BNC2: variants seen among roughly 807,000 people sequenced by gnomAD.
BNC2 encodes the protein basonuclin zinc finger protein 2, also known as zinc finger protein basonuclin-2.
A neutral mutation model predicts 76.3 loss-of-function variants in BNC2; 20 were observed. The ratio of observed to expected loss-of-function variants is 0.26; its 90% confidence interval spans 0.18 to 0.38. The LOEUF is 0.38. Among genes scored for constraint, BNC2 ranks in the 10% least tolerant of loss-of-function variants. The pLI is 1.00. For synonymous variants in BNC2, 582 were observed against 514.8 expected (o/e 1.13, Z -1.77); for missense variants, 1,382 against 1,399.8 (o/e 0.99, Z 0.20).
chr9:16,638,879 G>A (rs1285593758), intron 3 of BNC2, among the ~76,000 whole-genome samples: 2 of 152,050 alleles, frequency 1.3e-5, no homozygotes, highest in Non-Finnish European at 2.9e-5. Flanking sequence ...ATTCTCAGTA[G>A]GGAATGTAAC....
intron 5 of BNC2, among the ~76,000 whole-genome samples, chr9:16,481,835 A>G (rs1397263870): frequency 6.6e-6 from 1 of 152,244 alleles, no homozygotes; most frequent in African/African-American, 2.4e-5. Context: ...AAACACATAC[A>G]GTCCAATATG....
chr9:16,695,103 C>G (rs1374101681), intron 3 of BNC2, among the ~76,000 whole-genome samples: 1 of 152,030 alleles, frequency 6.6e-6, no homozygotes, highest in African/African-American at 2.4e-5. Flanking sequence ...CATACTTTAC[C>G]CCTGAAACCT....
At chr9:16,766,726 C>T (rs906092111) in intron 1 of BNC2, among the ~76,000 whole-genome samples, 15 of 152,202 alleles carry the variant, frequency 9.9e-5, no homozygotes, top group Non-Finnish European at 5.9e-5. Flanking sequence ...CTCTGGGCTA[C>T]AGGTCCTGTT....
intron 4 of BNC2, among the ~76,000 whole-genome samples, chr9:16,568,437 C>T (rs765942066): frequency 3.3e-5 from 5 of 152,058 alleles, no homozygotes; most frequent in East Asian, 1.9e-4. Flanking sequence ...TTTGCTAATA[C>T]GACCAATAAT....
chr9:16,609,525 G>A (rs559512882), intron 3 of BNC2, among the ~76,000 whole-genome samples: 5 of 152,124 alleles, frequency 3.3e-5, no homozygotes, highest in Admixed American at 6.5e-5. Flanking sequence ...TGCTAAAACT[G>A]TGTCCAGCCT....
At chr9:16,619,489 A>G (rs1820804679) in intron 3 of BNC2, among the ~76,000 whole-genome samples, 1 of 152,170 alleles carries the variant, frequency 6.6e-6, no homozygotes, top group South Asian at 2.1e-4. Flanking sequence ...TTCAGTTAAA[A>G]TAATATATTA....
chr9:16,671,465 A>G (rs1822475601), intron 3 of BNC2, among the ~76,000 whole-genome samples: 1 of 152,192 alleles, frequency 6.6e-6, no homozygotes, highest in South Asian at 2.1e-4. Context: ...AGCCAAACTC[A>G]GGAGACAATC....
At chr9:16,547,406 T>C (rs1309679566) in intron 5 of BNC2, among the ~76,000 whole-genome samples, 1 of 152,246 alleles carries the variant, frequency 6.6e-6, no homozygotes, top group Non-Finnish European at 1.5e-5. Flanking sequence ...ATGAGTTCCA[T>C]GGTGAAACAT....
At chr9:16,484,228 C>A (rs567126192) in intron 5 of BNC2, among the ~76,000 whole-genome samples, 1 of 152,294 alleles carries the variant, frequency 6.6e-6, no homozygotes, top group African/African-American at 2.4e-5. Context: ...AAAAAGGCAG[C>A]ACAGTAGCTG....
intron 5 of BNC2, among the ~76,000 whole-genome samples, chr9:16,445,544 T>G (rs1012036161): frequency 1.2e-4 from 19 of 152,258 alleles, no homozygotes; most frequent in African/African-American, 3.9e-4. Context: ...CCCTACTCAA[T>G]TTTCATGATT....
chr9:16,723,978 T>C (rs1254394487), intron 3 of BNC2, among the ~76,000 whole-genome samples: 1 of 152,122 alleles, frequency 6.6e-6, no homozygotes, highest in African/African-American at 2.4e-5. Flanking sequence ...AATGAAATTA[T>C]GTTGTTAATT....
chr9:16,744,569 T>A (rs1444734116), intron 1 of BNC2, among the ~76,000 whole-genome samples: 4 of 152,226 alleles, frequency 2.6e-5, no homozygotes, highest in Non-Finnish European at 4.4e-5. Flanking sequence ...GATTTACTCC[T>A]CCTGCTAGAT....
chr9:16,611,717 A>C (rs1307724492), intron 3 of BNC2, among the ~76,000 whole-genome samples: 3 of 152,200 alleles, frequency 2.0e-5, no homozygotes, highest in Non-Finnish European at 4.4e-5. Context: ...CCAGCTTGTA[A>C]GGCTATGCCA....
intron 3 of BNC2, among the ~76,000 whole-genome samples, chr9:16,682,183 T>C (rs192388934): frequency 1.1e-3 from 162 of 151,522 alleles, no homozygotes; most frequent in African/African-American, 3.8e-3. Flanking sequence ...TGTTAAAAAA[T>C]ATAGAGAATT....
At chr9:16,692,400 T>C (rs917062023) in intron 3 of BNC2, among the ~76,000 whole-genome samples, 1 of 152,228 alleles carries the variant, frequency 6.6e-6, no homozygotes, top group Non-Finnish European at 1.5e-5. Context: ...CAATATCTTG[T>C]AAAGTTGCTC....
chr9:16,550,366 G>C (rs552764906), intron 5 of BNC2, among the ~76,000 whole-genome samples: 4 of 152,214 alleles, frequency 2.6e-5, no homozygotes, highest in African/African-American at 7.2e-5. Flanking sequence ...TGACACCCCT[G>C]CTAAATACTG....
Position 16,614,533 on chromosome 9 carries a change from C to T in BNC2, c.331-31448G>A, listed in dbSNP as rs943335522. 2.0e-5 allele frequency among the ~76,000 whole-genome samples: 3 copies of T among 151,454 alleles called. No homozygotes were observed. In the East Asian group the frequency reaches 5.8e-4, roughly 29 times the overall value. ...CCTTCACTATCATGGTAAAATGCAC[C>T]TTTTCTCTAAATAAAAAGAAAGCAA... On this transcript the variant is annotated intron_variant, in intron 3 of 6. Coordinates refer to ENST00000380672, the MANE Select transcript of BNC2 (RefSeq NM_017637.6).
chr9:16,476,489 G>C (rs905771239), intron 5 of BNC2, among the ~76,000 whole-genome samples: 1 of 151,408 alleles, frequency 6.6e-6, no homozygotes, highest in Non-Finnish European at 1.5e-5. Flanking sequence ...TCTGCTCAAA[G>C]CTCACTTTGT....
chr9:16,417,645 G>A lies in BNC2; in HGVS notation c.*1344C>T, dbSNP rs543479175. The A allele has an allele frequency of 6.6e-6, 1 of 152,588 alleles. No homozygotes were observed. The highest frequency in any genetic ancestry group is 6.5e-5 in the Admixed American group (1 of 15,280). 9.5% of individuals were successfully genotyped at this position (152,588 alleles called of 1,614,324 possible). A position where few individuals can be genotyped will look rare whatever the true frequency, so the allele number is the denominator to read the frequency against. ...CCATACAACAGACCGACCCAGTTCAGAGGATTTCTTTTTAAAGGATAAGGG... is the reference window on the plus strand; with the variant it reads ...CCATACAACAGACCGACCCAGTTCAAAGGATTTCTTTTTAAAGGATAAGGG... On this transcript the variant is annotated 3_prime_UTR_variant, in exon 7 of 7. Coordinates refer to ENST00000380672, the MANE Select transcript of BNC2 (RefSeq NM_017637.6).
Sources: allele counts gnomAD v4.1 joint callset (sites outside exome capture counted in the v4.1 genomes callset), GRCh38; gene constraint gnomAD v4.1.1; transcripts MANE v1.5; gene names NCBI Gene and HGNC (gene_info 2026-07-23, HGNC 2026-07-21).